The following THSD7B variants were observed in gnomAD, a reference collection of about 807,000 sequenced individuals.
THSD7B encodes thrombospondin type 1 domain containing 7B.
In THSD7B, 138 loss-of-function variants were observed where a neutral mutation model predicts 213.6. The ratio of observed to expected loss-of-function variants is 0.65; its 90% confidence interval spans 0.56 to 0.74. The LOEUF (loss-of-function observed/expected upper bound fraction) is 0.74, where lower values mean the gene tolerates loss of function less well. Among genes scored for constraint, THSD7B ranks in the 30% least tolerant of loss-of-function variants. The pLI is 0.00. For missense variants in THSD7B, 1,931 were observed against 1,991.5 expected (o/e 0.97, Z 0.58); for synonymous variants, 742 against 687.0 (o/e 1.08, Z -1.25).
intron 2 of THSD7B, among the ~76,000 whole-genome samples, chr2:137,008,001 G>A (rs901327094): frequency 6.6e-6 from 1 of 152,064 alleles, no homozygotes; most frequent in African/African-American, 2.4e-5. Flanking sequence ...AGTTGAGGGG[G>A]TCAGCTATCC....
intron 12 of THSD7B, among the ~76,000 whole-genome samples, chr2:137,331,491 C>T (rs1485860619): frequency 6.6e-6 from 1 of 152,186 alleles, no homozygotes; most frequent in Non-Finnish European, 1.5e-5. Flanking sequence ...ATTTACAATC[C>T]TGACATAAAG....
chr2:137,108,007 A>T (rs956507441), intron 4 of THSD7B, among the ~76,000 whole-genome samples: 1 of 152,242 alleles, frequency 6.6e-6, no homozygotes, highest in Non-Finnish European at 1.5e-5. Flanking sequence ...GACAACAGAC[A>T]TTATCATAAA....
chr2:137,593,054 A>G (rs1460151135), intron 17 of THSD7B, among the ~76,000 whole-genome samples: 1 of 151,944 alleles, frequency 6.6e-6, no homozygotes, highest in Non-Finnish European at 1.5e-5. Flanking sequence ...CATTTGCTCA[A>G]CATAATGCCT....
intron 2 of THSD7B, among the ~76,000 whole-genome samples, chr2:137,010,890 G>C (rs1686218454): frequency 6.6e-6 from 1 of 152,112 alleles, no homozygotes. Context: ...AAGTGACTAA[G>C]TGCTATGAAA....
intron 15 of THSD7B, among the ~76,000 whole-genome samples, chr2:137,553,019 C>T (rs1408168873): frequency 6.6e-6 from 1 of 151,498 alleles, no homozygotes; most frequent in African/African-American, 2.4e-5. Context: ...GAGCTCACAA[C>T]ATTTGGAGAA....
chr2:136,977,807 T>TTGTTTTTTG (rs58024788), intron 2 of THSD7B, among the ~76,000 whole-genome samples: 44 of 53,448 alleles, frequency 8.2e-4, no homozygotes, highest in Admixed American at 1.7e-3. Context: ...CTTTGTTTTT[T>TTGTTTTTTG]TTTTTTTTTT....
chr2:137,395,745 T>C (rs1457105870), intron 12 of THSD7B, among the ~76,000 whole-genome samples: 1 of 151,856 alleles, frequency 6.6e-6, no homozygotes, highest in Admixed American at 6.6e-5. Flanking sequence ...ATGGTACCAG[T>C]TCCTCCTTGT....
intron 12 of THSD7B, among the ~76,000 whole-genome samples, chr2:137,403,362 A>C (rs1686419754): frequency 6.6e-6 from 1 of 152,244 alleles, no homozygotes. Flanking sequence ...AACTGAATTC[A>C]GAATATAAGA....
At chr2:137,458,342 T>C (rs1687812292) in intron 15 of THSD7B, among the ~76,000 whole-genome samples, 1 of 152,208 alleles carries the variant, frequency 6.6e-6, no homozygotes, top group African/African-American at 2.4e-5. Flanking sequence ...AACTCTGCTT[T>C]TGACTGGTCT....
chr2:137,201,479 T>C (rs1295232525), intron 7 of THSD7B, among the ~76,000 whole-genome samples: 1 of 152,206 alleles, frequency 6.6e-6, no homozygotes, highest in Admixed American at 6.5e-5. Context: ...TTTTATTTTC[T>C]TGAGAAATCT....
chr2:137,021,352 G>A (rs1373378337), intron 2 of THSD7B, among the ~76,000 whole-genome samples: 2 of 152,090 alleles, frequency 1.3e-5, no homozygotes, highest in Non-Finnish European at 2.9e-5. Context: ...GTGCAGTTTT[G>A]TTACATGGAT....
chr2:137,312,523 T>TTTAGTTA (rs1293186130), intron 12 of THSD7B, among the ~76,000 whole-genome samples: 1 of 151,210 alleles, frequency 6.6e-6, no homozygotes, highest in African/African-American at 2.4e-5. Flanking sequence ...CTGCTCTGAT[T>TTTAGTTA]TTAGTTATTT....
At chr2:137,149,991 C>T (rs1679783007) in intron 5 of THSD7B, among the ~76,000 whole-genome samples, 1 of 152,074 alleles carries the variant, frequency 6.6e-6, no homozygotes, top group Non-Finnish European at 1.5e-5. Flanking sequence ...CCTGTAATCC[C>T]AGCAGTTTGG....
chr2:137,628,361 A>G (rs951336904), intron 20 of THSD7B, among the ~76,000 whole-genome samples: 3 of 152,214 alleles, frequency 2.0e-5, no homozygotes, highest in African/African-American at 7.2e-5. Flanking sequence ...TAAGTCATTC[A>G]TCTATTTTTT....
At chr2:137,425,768 G>T (rs1232623137) in intron 14 of THSD7B, among the ~76,000 whole-genome samples, 1 of 152,096 alleles carries the variant, frequency 6.6e-6, no homozygotes, top group Admixed American at 6.5e-5. Flanking sequence ...TTTTCTCTGT[G>T]ATCAACAGCC....
intron 15 of THSD7B, among the ~76,000 whole-genome samples, chr2:137,492,096 C>A (rs13404922): frequency 6.6e-6 from 1 of 152,050 alleles, no homozygotes; most frequent in Non-Finnish European, 1.5e-5. Flanking sequence ...TCATTCTTTA[C>A]GGTTTTACAT....
In THSD7B at chr2:137,608,079, T is replaced by C. The variant is rs549163634; in HGVS notation, c.3424-8096T>C. Among the ~76,000 whole-genome samples, 238 of 152,250 alleles carry C rather than the reference T, an allele frequency of 1.6e-3. 3 individuals carry two copies. The highest frequency in any genetic ancestry group is 2.4e-3 in the Non-Finnish European group (162 of 68,024). ...AATACTAACACATATATCTGGCACT[T>C]CTCCTTCCAATTAACTCTAAATCTG... On this transcript the variant is annotated intron_variant, in intron 17 of 27. Transcript: ENST00000409968.
intron 4 of THSD7B, among the ~76,000 whole-genome samples, chr2:137,107,377 G>C (rs758300077): frequency 1.3e-5 from 2 of 152,136 alleles, no homozygotes; most frequent in Non-Finnish European, 2.9e-5. Context: ...CACACACTGG[G>C]GCCTGTCATG....
At chr2:137,663,717 C>T in intron 26 of THSD7B, 142 bp downstream of exon 26, 1 of 743,742 alleles carries the variant, frequency 1.3e-6, no homozygotes, top group Non-Finnish European at 2.1e-6. Context: ...CAGGGTTTCT[C>T]AGATTTGAAT....
Sources: gnomAD v4.1 joint callset for allele counts (sites outside exome capture counted in the v4.1 genomes callset) on GRCh38, gnomAD v4.1.1 for gene constraint, MANE v1.5 for transcripts, NCBI Gene and HGNC (gene_info 2026-07-23, HGNC 2026-07-21) for gene names.